DPYD: variants seen among roughly 807,000 people sequenced by gnomAD.
DPYD encodes the protein dihydropyrimidine dehydrogenase, also known as dihydropyrimidine dehydrogenase [NADP(+)].
Under a neutral mutation model 116.2 loss-of-function variants are expected in DPYD, and 109 were observed. The observed-to-expected ratio is 0.94, with a 90% confidence interval of 0.80 to 1.10. DPYD has a LOEUF of 1.10. Ranked by LOEUF, DPYD falls within the 50% of genes least tolerant of loss-of-function variation. The pLI is 0.00. For missense variants in DPYD, 1,302 were observed against 1,254.5 expected (o/e 1.04, Z -0.57); for synonymous variants, 440 against 432.0 (o/e 1.02, Z -0.23).
intron 20 of DPYD, among the ~76,000 whole-genome samples, chr1:97,178,488 C>T (rs1336739667): frequency 6.6e-6 from 1 of 151,996 alleles, no homozygotes; most frequent in Non-Finnish European, 1.5e-5. Flanking sequence ...GGGAAGAGCC[C>T]CTTATGAAAC....
At chr1:97,593,060 G>A (rs1654629100) in intron 10 of DPYD, among the ~76,000 whole-genome samples, 158 bp downstream of exon 10, 1 of 152,036 alleles carries the variant, frequency 6.6e-6, no homozygotes, top group African/African-American at 2.4e-5. Context: ...TCTTTTACTT[G>A]GAATGTCTGA....
intron 7 of DPYD, among the ~76,000 whole-genome samples, chr1:97,687,371 A>G (rs2100938771): frequency 6.6e-6 from 1 of 152,300 alleles, no homozygotes; most frequent in Admixed American, 6.5e-5. Flanking sequence ...AACAAACATG[A>G]AAAAAAGCTC....
intron 3 of DPYD, among the ~76,000 whole-genome samples, chr1:97,814,414 A>C (rs1014664609): frequency 6.6e-6 from 1 of 152,162 alleles, no homozygotes; most frequent in Non-Finnish European, 1.5e-5. Flanking sequence ...TCTGTGGAAA[A>C]TGGATTTTTA....
chr1:97,866,270 A>G (rs1671372426), intron 2 of DPYD, among the ~76,000 whole-genome samples: 1 of 151,952 alleles, frequency 6.6e-6, no homozygotes, highest in African/African-American at 2.4e-5. Context: ...GCAATTACTC[A>G]TGTGGTGGCT....
At chr1:97,662,232 G>T (rs1241685883) in intron 8 of DPYD, among the ~76,000 whole-genome samples, 1 of 151,062 alleles carries the variant, frequency 6.6e-6, no homozygotes, top group Non-Finnish European at 1.5e-5. Flanking sequence ...TCGATCTCCT[G>T]ACCTCATGAT....
intron 13 of DPYD, among the ~76,000 whole-genome samples, chr1:97,451,671 A>G (rs1407158350): frequency 9.9e-5 from 15 of 152,216 alleles, no homozygotes; most frequent in African/African-American, 3.4e-4. Flanking sequence ...GTCAATTTCC[A>G]TCTTGGCAAA....
Position 97,910,566 on chromosome 1 carries a change from T to C in DPYD, c.39+10318A>G, listed in dbSNP as rs1259576024. Among the ~76,000 whole-genome samples the C allele has an allele frequency of 3.3e-5, 5 of 152,062 alleles. No homozygotes were observed. The South Asian group carries it at 6.2e-4, about 19-fold the overall frequency. Reference sequence around the variant, plus strand: ...ATCCCCACTTTTACAATGAGAAAACTGAAACAAAAAATGTTTAAGTTATTT... The same window carrying C: ...ATCCCCACTTTTACAATGAGAAAACCGAAACAAAAAATGTTTAAGTTATTT... On this transcript the variant is annotated intron_variant, in intron 1 of 22. Coordinates refer to ENST00000370192, the MANE Select transcript of DPYD (RefSeq NM_000110.4).
At chr1:97,850,532 A>G (rs993654282) in intron 2 of DPYD, among the ~76,000 whole-genome samples, 9 of 152,152 alleles carry the variant, frequency 5.9e-5, no homozygotes, top group Non-Finnish European at 1.3e-4. Flanking sequence ...ATTCTTTAAA[A>G]CAAATGGATT....
chr1:97,920,758 C>A, intron 1 of DPYD, 126 bp downstream of exon 1: 9 of 1,361,306 alleles, frequency 6.6e-6, no homozygotes, highest in Non-Finnish European at 9.1e-6. Flanking sequence ...AGAGCTCCCA[C>A]GGGGGAAACT....
At chr1:97,260,533 T>C (rs1486394746) in intron 18 of DPYD, among the ~76,000 whole-genome samples, 1 of 152,100 alleles carries the variant, frequency 6.6e-6, no homozygotes, top group Non-Finnish European at 1.5e-5. Context: ...TATTAATTTG[T>C]TGTATAAGTA....
chr1:97,905,194 C>T (rs968691749), intron 1 of DPYD, among the ~76,000 whole-genome samples: 6 of 151,950 alleles, frequency 3.9e-5, no homozygotes, highest in Non-Finnish European at 8.8e-5. Flanking sequence ...CCAATATGCA[C>T]CTCTAACTAT....
At chr1:97,881,914 G>C (rs899759681) in intron 2 of DPYD, among the ~76,000 whole-genome samples, 4 of 151,376 alleles carry the variant, frequency 2.6e-5, no homozygotes, top group Non-Finnish European at 5.9e-5. Flanking sequence ...GCTAAATGAC[G>C]AGTTAATGGG....
intron 11 of DPYD, among the ~76,000 whole-genome samples, chr1:97,551,228 T>C (rs1037491122): frequency 6.6e-6 from 1 of 152,178 alleles, no homozygotes; most frequent in Admixed American, 6.6e-5. Flanking sequence ...ATGTAATTAT[T>C]TTCAAAGCAG....
intron 2 of DPYD, among the ~76,000 whole-genome samples, chr1:97,865,615 G>A (rs546219074): frequency 6.6e-6 from 1 of 152,018 alleles, no homozygotes; most frequent in South Asian, 2.1e-4. Flanking sequence ...AAAAATAACA[G>A]TAAATGTGTG....
intron 20 of DPYD, among the ~76,000 whole-genome samples, chr1:97,160,377 AC>A (rs5776349): frequency 1 from 152,200 of 152,200 alleles, 76,100 homozygotes; most frequent in Non-Finnish European, 1. Context: ...TGTTGGTTAT[AC>A]CATCCTTAAC....
At chr1:97,176,823 G>T (rs565675303) in intron 20 of DPYD, among the ~76,000 whole-genome samples, 11 of 151,466 alleles carry the variant, frequency 7.3e-5, no homozygotes, top group African/African-American at 2.7e-4. Flanking sequence ...CAATATGAGA[G>T]CCAGAGATGG....
chr1:97,540,792 T>C (rs58578592), intron 12 of DPYD, among the ~76,000 whole-genome samples: 8,119 of 152,186 alleles, frequency 0.053, 459 homozygotes, highest in Admixed American at 0.12. Context: ...GACTAGCCCC[T>C]ATCCTGTAGT....
chr1:97,511,998 C>G (rs765087973), intron 13 of DPYD, among the ~76,000 whole-genome samples: 1 of 151,780 alleles, frequency 6.6e-6, no homozygotes, highest in East Asian at 1.9e-4. Context: ...TTTTAATTGG[C>G]CTTTTCTCCT....
At chr1:97,716,817 C>T (rs1017374116) in intron 5 of DPYD, among the ~76,000 whole-genome samples, 1 of 151,986 alleles carries the variant, frequency 6.6e-6, no homozygotes, top group Non-Finnish European at 1.5e-5. Flanking sequence ...GAGTGCTTGA[C>T]TTGGGAAGGG....
Sources: allele counts gnomAD v4.1 joint callset (sites outside exome capture counted in the v4.1 genomes callset), GRCh38; gene constraint gnomAD v4.1.1; transcripts MANE v1.5; gene names NCBI Gene and HGNC (gene_info 2026-07-23, HGNC 2026-07-21).